LAMA3: variants seen among roughly 807,000 people sequenced by gnomAD.
LAMA3 encodes laminin subunit alpha-3.
In LAMA3, 281 loss-of-function variants were observed where a neutral mutation model predicts 402.0. That is an observed-to-expected ratio of 0.70 (90% CI 0.63 to 0.77). The LOEUF (loss-of-function observed/expected upper bound fraction) is 0.77. Among genes scored for constraint, LAMA3 ranks in the 30% least tolerant of loss-of-function variants. The pLI, the probability that LAMA3 is intolerant of heterozygous loss-of-function variation, is 0.00. For synonymous variants in LAMA3, 1,431 were observed against 1,558.4 expected, an observed-to-expected ratio of 0.92 and a Z score of 1.93; for missense variants, 3,840 against 4,215.5, an observed-to-expected ratio of 0.91 and a Z score of 2.47.
chr18:23,810,883 G>A lies in LAMA3; in HGVS notation c.1741+380G>A, dbSNP rs370855528. 1.0e-3 allele frequency among the ~76,000 whole-genome samples: 154 copies of A among 152,268 alleles called. 5 individuals are homozygous for A. The South Asian group carries it at 0.026, about 25-fold the overall frequency. On this transcript the variant is annotated intron_variant, in intron 13 of 74. Transcript: ENST00000313654. ...GGCATCATGCCTTCTTTCGCTCCCA[G>A]CTTGTGGTGCTAATGCTGGCAGCAC...
At chr18:23,926,804 G>A (rs2082016084) in intron 62 of LAMA3, among the ~76,000 whole-genome samples, 1 of 152,262 alleles carries the variant, frequency 6.6e-6, no homozygotes, top group Non-Finnish European at 1.5e-5. Context: ...CTGGGGCCAT[G>A]TAGAAAGAGC....
Position 23,914,810 on chromosome 18 carries a change from G to GATC in LAMA3, c.7595_7597dup (p.Asp2532_Pro2533insHis). 1 of 1,613,464 alleles carries GATC rather than the reference G, an allele frequency of 6.2e-7. No homozygotes were observed. The highest frequency in any genetic ancestry group is 8.5e-7 in the Non-Finnish European group (1 of 1,179,482). ...AAATAGCAATACACTCCTTAATTTG[G>GATC]ATCCTGAAAATGTTGTATTTTATGT... On this transcript the variant is annotated inframe_insertion, in exon 58 of 75. Coordinates refer to ENST00000313654, the MANE Select transcript of LAMA3 (RefSeq NM_198129.4).
intron 24 of LAMA3, among the ~76,000 whole-genome samples, chr18:23,836,105 A>T (rs987009101): frequency 3.1e-4 from 20 of 65,352 alleles, no homozygotes; most frequent in Middle Eastern, 0.019. Flanking sequence ...GTTTTAATGG[A>T]TACACACACA....
At chr18:23,900,370 C>T (rs975013215) in intron 47 of LAMA3, among the ~76,000 whole-genome samples, 8 of 152,200 alleles carry the variant, frequency 5.3e-5, no homozygotes, top group Admixed American at 5.2e-4. Flanking sequence ...CGCACCCAGC[C>T]TCTGAAATGA....
At chr18:23,763,375 G>A (rs1192586710) in intron 7 of LAMA3, 30 bp from the exon 8 acceptor site, 3 of 1,284,684 alleles carry the variant, frequency 2.3e-6, no homozygotes, top group Admixed American at 3.4e-5. Context: ...GTAATAATGA[G>A]AATATTGACT....
intron 70 of LAMA3, among the ~76,000 whole-genome samples, chr18:23,949,307 G>T (rs1418472695): frequency 2.6e-5 from 4 of 152,146 alleles, no homozygotes; most frequent in African/African-American, 9.7e-5. Context: ...CAGCTGCCCT[G>T]CAGTAAGCTA....
At chr18:23,777,496 A>T in intron 10 of LAMA3, 61 bp from the exon 11 acceptor site, 2 of 1,149,004 alleles carry the variant, frequency 1.7e-6, no homozygotes, top group South Asian at 2.5e-5. Context: ...GTACAACTTA[A>T]TGTTTTACTT....
At chr18:23,930,293 C>G (rs1231415346) in intron 64 of LAMA3, among the ~76,000 whole-genome samples, 2 of 151,876 alleles carry the variant, frequency 1.3e-5, no homozygotes, top group African/African-American at 4.8e-5. Context: ...TTGGACTTCC[C>G]AAAAATAATG....
At chr18:23,717,174 G>A (rs2061116676) in intron 2 of LAMA3, among the ~76,000 whole-genome samples, 1 of 152,166 alleles carries the variant, frequency 6.6e-6, no homozygotes. Context: ...CAAGCATGTT[G>A]TGTCTTGTAA....
At chr18:23,767,578 CTTT>C (rs71163640) in intron 8 of LAMA3, among the ~76,000 whole-genome samples, 1 of 125,804 alleles carries the variant, frequency 7.9e-6, no homozygotes, top group Non-Finnish European at 1.6e-5. Flanking sequence ...TCTTTCTTTT[CTTT>C]TTTTTTTTTT....
chr18:23,846,242 C>T, intron 30 of LAMA3, 55 bp from the exon 31 acceptor site: 2 of 1,554,258 alleles, frequency 1.3e-6, no homozygotes, highest in Non-Finnish European at 8.9e-7. Flanking sequence ...AAGGTTGAGG[C>T]CACTCCCATA....
chr18:23,791,840 G>A (rs1231865675), intron 12 of LAMA3, among the ~76,000 whole-genome samples: 1 of 151,106 alleles, frequency 6.6e-6, no homozygotes, highest in East Asian at 1.9e-4. Flanking sequence ...AAAATCATCT[G>A]ACATTCTTCA....
intron 1 of LAMA3, chr18:23,709,769 T>C: frequency 1.7e-6 from 1 of 582,552 alleles, no homozygotes. Context: ...TTTGATTGTC[T>C]TTTCTTTCTT....
intron 1 of LAMA3, among the ~76,000 whole-genome samples, chr18:23,705,146 C>G (rs2060862549): frequency 6.6e-6 from 1 of 152,118 alleles, no homozygotes; most frequent in Admixed American, 6.5e-5. Flanking sequence ...GTTCTCATCT[C>G]TCTGTCTAGA....
intron 1 of LAMA3, among the ~76,000 whole-genome samples, chr18:23,702,743 C>T (rs139930639): frequency 1.2e-4 from 19 of 152,298 alleles, no homozygotes; most frequent in East Asian, 1.2e-3. Flanking sequence ...CTGAGGCACC[C>T]GCAGATTCAG....
chr18:23,776,897 A>G (rs1483975778), intron 10 of LAMA3, among the ~76,000 whole-genome samples: 1 of 149,594 alleles, frequency 6.7e-6, no homozygotes, highest in Non-Finnish European at 1.5e-5. Context: ...CTGGAGTGCA[A>G]TGGTGCGATC....
chr18:23,830,314 C>G (rs1216327158), intron 23 of LAMA3, among the ~76,000 whole-genome samples: 4 of 152,206 alleles, frequency 2.6e-5, no homozygotes, highest in East Asian at 1.9e-4. Context: ...ATCCTCCTCT[C>G]TCTCCCTCAG....
intron 1 of LAMA3, among the ~76,000 whole-genome samples, chr18:23,692,728 ATTC>A (rs2060615422): frequency 2.0e-5 from 3 of 151,756 alleles, no homozygotes; most frequent in Admixed American, 2.0e-4. Context: ...GCTACTCTCA[ATTC>A]TTCTATTATT....
In LAMA3 at chr18:23,884,784, G is replaced by T; in HGVS notation, c.5234G>T (p.Gly1745Val). Residue 1745 changes from glycine (G) to valine (V), a missense_variant, in exon 41 of 75, where the codon GGC becomes GTC. Coordinates refer to ENST00000313654, the MANE Select transcript of LAMA3 (RefSeq NM_198129.4). ...TGTCTTCTTTCAAGCTTTGCCACTG[G>T]CTGTGTGGTGAATGGGGGAGACGTG... ...PCPHTNSFAT[G>V]CVVNGGDVRC... The T allele has an allele frequency of 6.2e-7, 1 of 1,613,740 alleles. No individual in the cohort carries two copies. Among genetic ancestry groups the T allele is most frequent in the Non-Finnish European group, 8.5e-7 (1 of 1,179,754 alleles).
Sources: allele counts gnomAD v4.1 joint callset (sites outside exome capture counted in the v4.1 genomes callset), GRCh38; gene constraint gnomAD v4.1.1; transcripts MANE v1.5; gene names NCBI Gene and HGNC (gene_info 2026-07-23, HGNC 2026-07-21).